The following WDR4 variants were observed in gnomAD, a reference collection of about 807,000 sequenced individuals.
The protein encoded by WDR4 is tRNA (guanine-N(7)-)-methyltransferase non-catalytic subunit WDR4.
Under a neutral mutation model 48.6 loss-of-function variants are expected in WDR4, and 47 were observed. The ratio of observed to expected loss-of-function variants is 0.97; its 90% CI spans 0.77 to 1.23. WDR4 has a LOEUF of 1.23. Among genes scored for constraint, WDR4 ranks in the 50% most tolerant of loss-of-function variants. WDR4 has a pLI of 0.00. For missense variants in WDR4, 606 were observed against 551.6 expected, an observed-to-expected ratio of 1.10 and a Z score of -0.99; for synonymous variants, 268 against 230.0, an observed-to-expected ratio of 1.17 and a Z score of -1.49.
intron 2 of WDR4, among the ~76,000 whole-genome samples, chr21:42,874,182 ACT>A (rs1482898039): frequency 7.2e-5 from 11 of 152,220 alleles, no homozygotes; most frequent in African/African-American, 2.7e-4. Flanking sequence ...CCAAATTAAT[ACT>A]TTTATAATTT....
chr21:42,873,688 C>G lies in WDR4; in HGVS notation c.159G>C (p.Glu53Asp). 1 of 1,613,506 alleles carries G rather than the reference C, an allele frequency of 6.2e-7. No homozygotes were observed. Among genetic ancestry groups the G allele is most frequent in the South Asian group, 1.1e-5 (1 of 90,986 alleles). Reference protein sequence around the residue: ...AEKKSQENKGEDAPLDQGSGA... With the variant: ...AEKKSQENKGDDAPLDQGSGA... Reference sequence around the variant, plus strand: ...CGCTCCCCTGGTCCAAGGGCGCGTCCTCCCTGAGGAAGAGAGGAGGAAGAC... The same window carrying G: ...CGCTCCCCTGGTCCAAGGGCGCGTCGTCCCTGAGGAAGAGAGGAGGAAGAC... The change falls in exon 3 of 11, where the codon GAG becomes GAC. Residue 53 changes from glutamate (E) to aspartate (D), a missense_variant. Physicochemically the swap from Glu to Asp is conservative, Grantham distance 45. Transcript: ENST00000398208.
upstream of WDR4, among the ~76,000 whole-genome samples, chr21:42,880,114 G>A (rs1440157620): frequency 1.3e-5 from 2 of 150,584 alleles, no homozygotes; most frequent in Non-Finnish European, 2.9e-5. Context: ...CAGGGCGACA[G>A]AGCGAGACTC....
intron 4 of WDR4, among the ~76,000 whole-genome samples, chr21:42,863,207 G>A (rs971795024): frequency 2.0e-5 from 3 of 152,174 alleles, no homozygotes; most frequent in Non-Finnish European, 4.4e-5. Context: ...GGCTGTCCCT[G>A]CTACGGGGGA....
chr21:42,843,231 CAAGTGGTCCACGGATCGCACAT>C (rs890233823), exon 12 of WDR4: 7 of 152,116 alleles, frequency 4.6e-5, no homozygotes, highest in East Asian at 1.9e-4. Flanking sequence ...AGATCGCACG[CAAGTGGTCCACGGATCGCACAT>C]AAGTGGTCCA....
chr21:42,852,911 G>A (rs71320564), intron 9 of WDR4, among the ~76,000 whole-genome samples: 27,505 of 132,200 alleles, frequency 0.21, 2,842 homozygotes, highest in African/African-American at 0.27. Context: ...GCAAAACTCC[G>A]TCTCAAAAAA....
At chr21:42,879,349 A>C in intron 1 of WDR4, 58 bp downstream of exon 1, 1 of 1,591,494 alleles carries the variant, frequency 6.3e-7, no homozygotes, top group Middle Eastern at 1.8e-4. Flanking sequence ...CGGGGTCGCC[A>C]GGACCCGACG....
chr21:42,888,619 T>TC, the WDR4 span, among the ~76,000 whole-genome samples: 1 of 151,872 alleles, frequency 6.6e-6, no homozygotes, highest in Non-Finnish European at 1.5e-5. Context: ...TTTTTTTTTT[T>TC]CTGGAAAACC....
chr21:42,859,597 G>GGGCCCCCC lies in WDR4; in HGVS notation c.627+64_627+65insGGGGGGCC. The GGGCCCCCC allele has an allele frequency of 8.5e-6, 6 of 708,188 alleles. 1 individual carries two copies. Among genetic ancestry groups the GGGCCCCCC allele is most frequent in the Non-Finnish European group, 1.5e-5 (6 of 392,770 alleles). The allele number at this position is 708,188 out of a possible 1,614,324, so 43.9% of individuals were successfully genotyped here. On this transcript the variant is annotated intron_variant, in intron 6 of 10. Coordinates refer to ENST00000398208, the MANE Select transcript of WDR4 (RefSeq NM_018669.6). The stretch of plus-strand genomic sequence containing the variant: ...TCCACAGGGGCCAGGTCCAGGAGGC[G>GGGCCCCCC]CCCACCCCACCCTCCCTGCAGGCTC...
chr21:42,868,247 GA>G (rs1425552954), intron 3 of WDR4, among the ~76,000 whole-genome samples: 2 of 152,192 alleles, frequency 1.3e-5, no homozygotes, highest in Admixed American at 1.3e-4. Context: ...CCACTGTTAG[GA>G]ACCAGGACAC....
chr21:42,866,415 C>T (rs7282879), intron 3 of WDR4, among the ~76,000 whole-genome samples: 34,600 of 152,088 alleles, frequency 0.23, 4,883 homozygotes, highest in African/African-American at 0.41. Flanking sequence ...CATCCTGCAG[C>T]GGTGCAGGGC....
intron 6 of WDR4, 59 bp downstream of exon 6, chr21:42,859,603 C>A: frequency 1.7e-6 from 1 of 586,288 alleles, no homozygotes; most frequent in Non-Finnish European, 2.8e-6. Flanking sequence ...AGGCGCCCAC[C>A]CCACCCTCCC....
At chr21:42,869,877 G>A (rs1420183520) in intron 3 of WDR4, among the ~76,000 whole-genome samples, 1 of 152,028 alleles carries the variant, frequency 6.6e-6, no homozygotes, top group African/African-American at 2.4e-5. Flanking sequence ...GCCGGTCGTG[G>A]TGGTGCATGC....
intron 11 of WDR4, among the ~76,000 whole-genome samples, chr21:42,844,040 A>C (rs1602672202): frequency 2.6e-5 from 4 of 152,342 alleles, no homozygotes; most frequent in Middle Eastern, 6.8e-3. Context: ...ATGAAAAAAC[A>C]CAATGGCTCA....
chr21:42,859,757 G>T, intron 5 of WDR4, 35 bp from the exon 6 acceptor site: 26 of 1,551,782 alleles, frequency 1.7e-5, no homozygotes, highest in Non-Finnish European at 2.3e-5. Flanking sequence ...GAGTCAGCGA[G>T]CCCAGCGCCC....
intron 6 of WDR4, among the ~76,000 whole-genome samples, chr21:42,856,889 A>G (rs2058007270): frequency 1.3e-5 from 2 of 152,150 alleles, no homozygotes; most frequent in Non-Finnish European, 2.9e-5. Context: ...CTCTCTACGA[A>G]GACAAGAAAA....
chr21:42,872,676 T>A (rs2058399153), intron 3 of WDR4, among the ~76,000 whole-genome samples: 1 of 151,392 alleles, frequency 6.6e-6, no homozygotes. Flanking sequence ...GGCTCACACT[T>A]GTAATCCCAG....
chr21:42,851,173 C>T (rs1282519238), intron 10 of WDR4, among the ~76,000 whole-genome samples: 2 of 152,204 alleles, frequency 1.3e-5, no homozygotes, highest in African/African-American at 4.8e-5. Context: ...CTATGCTGTC[C>T]GTGGCCTAGA....
At chr21:42,876,590 G>A in intron 2 of WDR4, 112 bp downstream of exon 2, 1 of 1,009,014 alleles carries the variant, frequency 9.9e-7, no homozygotes, top group Admixed American at 2.3e-5. Context: ...CTGCACCACT[G>A]TGTGACAGAA....
chr21:42,880,613 C>T (rs371678352), upstream of WDR4, among the ~76,000 whole-genome samples: 2 of 152,154 alleles, frequency 1.3e-5, no homozygotes, highest in African/African-American at 2.4e-5. Flanking sequence ...GAAGTCTTAA[C>T]CAGGCCCGAG....
Sources: allele counts gnomAD v4.1 joint callset (sites outside exome capture counted in the v4.1 genomes callset), GRCh38; gene constraint gnomAD v4.1.1; transcripts MANE v1.5; gene names NCBI Gene and HGNC (gene_info 2026-07-23, HGNC 2026-07-21).